SPATA13: variants seen among roughly 807,000 people sequenced by gnomAD.
The protein encoded by SPATA13 is spermatogenesis associated 13.
A neutral mutation model predicts 104.0 loss-of-function variants in SPATA13; 50 were observed. That is an observed-to-expected ratio of 0.48 (90% confidence interval 0.38 to 0.61). The LOEUF (loss-of-function observed/expected upper bound fraction) is 0.61. SPATA13 is among the 20% of genes least tolerant of loss of function. The pLI is 0.00. For missense variants in SPATA13, 1,524 were observed against 1,690.6 expected, an observed-to-expected ratio of 0.90 and a Z score of 1.73; for synonymous variants, 606 against 667.5, an observed-to-expected ratio of 0.91 and a Z score of 1.42.
chr13:24,100,402 C>T (rs1251924906), intron 3 of SPATA13, among the ~76,000 whole-genome samples: 2 of 152,218 alleles, frequency 1.3e-5, no homozygotes, highest in Non-Finnish European at 2.9e-5. Flanking sequence ...TACTTCTTAA[C>T]AGCTGTAATA....
chr13:24,209,152 A>C (rs946367367), intron 1 of SPATA13, among the ~76,000 whole-genome samples: 1 of 152,092 alleles, frequency 6.6e-6, no homozygotes, highest in Non-Finnish European at 1.5e-5. Context: ...GTGCCCAAGA[A>C]CTGTACTCAG....
chr13:24,202,567 C>A (rs1593413551), intron 1 of SPATA13, among the ~76,000 whole-genome samples: 8 of 99,908 alleles, frequency 8.0e-5, no homozygotes, highest in East Asian at 3.0e-4. Flanking sequence ...CTTTAAGGTA[C>A]AATATTAGAA....
chr13:24,020,786 A>G (rs142510724), intron 3 of SPATA13, among the ~76,000 whole-genome samples: 68 of 152,302 alleles, frequency 4.5e-4, no homozygotes, highest in African/African-American at 1.5e-3. Context: ...ACTCATGCCT[A>G]TAATTCCAGC....
chr13:24,243,993 C>G (rs1380265881), intron 2 of SPATA13, among the ~76,000 whole-genome samples: 1 of 152,226 alleles, frequency 6.6e-6, no homozygotes, highest in African/African-American at 2.4e-5. Context: ...TGTTCTCTCA[C>G]CATTCTGGAG....
At chr13:24,179,943 T>C (rs1271728819) in intron 1 of SPATA13, among the ~76,000 whole-genome samples, 1 of 152,218 alleles carries the variant, frequency 6.6e-6, no homozygotes, top group Non-Finnish European at 1.5e-5. Flanking sequence ...ACAAGTATCT[T>C]CCATTCTACA....
At chr13:24,288,579 G>T (rs1195601477) in intron 7 of SPATA13, among the ~76,000 whole-genome samples, 2 of 149,492 alleles carry the variant, frequency 1.3e-5, no homozygotes, top group African/African-American at 4.9e-5. Context: ...AGGAATCCTT[G>T]CCCTGATGAA....
chr13:24,128,462 G>T (rs375792773), intron 3 of SPATA13, among the ~76,000 whole-genome samples: 1 of 152,168 alleles, frequency 6.6e-6, no homozygotes, highest in East Asian at 1.9e-4. Flanking sequence ...GAAGGGTGTT[G>T]CTCAGAGGTA....
intron 2 of SPATA13, among the ~76,000 whole-genome samples, chr13:24,247,739 TC>T (rs1873231300): frequency 6.6e-6 from 1 of 152,078 alleles, no homozygotes; most frequent in Non-Finnish European, 1.5e-5. Flanking sequence ...CATCTTGGCC[TC>T]CCAAAGTGCT....
In SPATA13 at chr13:24,172,522, TAATTTTTGTAGCAGGC is replaced by T. The variant is rs374548445; in HGVS notation, c.-112+11592_-112+11607del. ...AGTTAAGTCCATGATCCATTCAAGT[TAATTTTTGTAGCAGGC>T]ATGAGATTTAGGTCAGTGTTTTTTT... is the stretch of plus-strand genomic sequence containing the variant. On this transcript the variant is annotated intron_variant, in intron 1 of 12. Transcript: ENST00000382108. 5.3e-3 allele frequency among the ~76,000 whole-genome samples: 811 copies of T among 152,392 alleles called. 12 individuals carry two copies. Among genetic ancestry groups the T allele is most frequent in the African/African-American group, 0.019 (772 of 41,592 alleles).
At chr13:24,116,771 C>A (rs972399145) in intron 3 of SPATA13, among the ~76,000 whole-genome samples, 2 of 98,222 alleles carry the variant, frequency 2.0e-5, no homozygotes, top group Non-Finnish European at 3.6e-5. Context: ...CCCTACCAGC[C>A]CCCCCCCCCC....
intron 2 of SPATA13, among the ~76,000 whole-genome samples, chr13:23,988,424 C>A (rs1032295492): frequency 6.6e-6 from 1 of 152,176 alleles, no homozygotes; most frequent in Admixed American, 6.5e-5. Flanking sequence ...TAAACCAGTT[C>A]TCTGTGGATA....
chr13:24,161,012 T>C lies in SPATA13; in HGVS notation c.-112+80T>C, dbSNP rs1373946429. 6 of 859,766 alleles carry C rather than the reference T, an allele frequency of 7.0e-6. No individual in the cohort carries two copies. Among genetic ancestry groups the C allele is most frequent in the Non-Finnish European group, 7.0e-6 (5 of 714,974 alleles). The allele number at this position is 859,766 out of a possible 1,614,324, so 53.3% of individuals were successfully genotyped here. On this transcript the variant is annotated intron_variant, in intron 1 of 12. Coordinates refer to ENST00000382108, the MANE Select transcript of SPATA13 (RefSeq NM_001166271.3). This position sits in a 1 kb window ranked among gnomAD's most constrained non-coding sequence, Gnocchi z 4.5. ...AGGTAGAATATCGGGAGGATTTGAG[T>C]CCCAGTGGACTGCCTCGGGGCTTCG...
At chr13:24,251,542 A>G (rs1258046440) in intron 3 of SPATA13, 176 bp from the exon 4 acceptor site, 1 of 985,236 alleles carries the variant, frequency 1.0e-6, no homozygotes, top group Non-Finnish European at 1.2e-6. Flanking sequence ...ATTGTTAAAA[A>G]CTGTAGCATC....
rs145209996 is a variant in SPATA13 at position 24,067,969 on chromosome 13, G to T, written c.-112+50268G>T. Among the ~76,000 whole-genome samples, 435 of 152,260 alleles carry T rather than the reference G, an allele frequency of 2.9e-3. 14 individuals carry two copies. In the East Asian group the frequency reaches 0.062, roughly 22 times the overall value. Reference sequence around the variant, plus strand: ...TCTGCATGCCTTGGCCTCCCAAAGTGCTAGGATTATAGTTGTTTTGTTTTT... The same window carrying T: ...TCTGCATGCCTTGGCCTCCCAAAGTTCTAGGATTATAGTTGTTTTGTTTTT... On this transcript the variant is annotated intron_variant, in intron 3 of 14. Transcript: ENST00000424834.
chr13:24,158,863 A>G (rs544614843), upstream of SPATA13, among the ~76,000 whole-genome samples: 2 of 152,324 alleles, frequency 1.3e-5, no homozygotes, highest in East Asian at 1.9e-4. Flanking sequence ...CAGGGCCTCA[A>G]GGATGCGGGG....
intron 3 of SPATA13, among the ~76,000 whole-genome samples, chr13:24,128,636 T>C (rs1393993226): frequency 6.6e-6 from 1 of 151,796 alleles, no homozygotes; most frequent in Non-Finnish European, 1.5e-5. Context: ...TCCTCGCTGA[T>C]GTGGACAGGC....
chr13:24,122,331 G>A, intron 3 of SPATA13: 1 of 1,451,966 alleles, frequency 6.9e-7, no homozygotes, highest in Non-Finnish European at 9.7e-7. Flanking sequence ...TAGTTTGAAA[G>A]ATAGCTTTAA....
chr13:24,277,040 A>G (rs1156821149), intron 4 of SPATA13, among the ~76,000 whole-genome samples: 1 of 152,252 alleles, frequency 6.6e-6, no homozygotes, highest in Non-Finnish European at 1.5e-5. Context: ...AAAGTGTTCA[A>G]GTAGAGTGGA....
chr13:24,027,138 T>TTG (rs1264987826), intron 3 of SPATA13, among the ~76,000 whole-genome samples: 2 of 144,364 alleles, frequency 1.4e-5, no homozygotes, highest in South Asian at 4.5e-4. Flanking sequence ...TTAGCCGTTT[T>TTG]TTTTTTTTTT....
Sources: gnomAD v4.1 joint callset for allele counts (sites outside exome capture counted in the v4.1 genomes callset) on GRCh38, gnomAD v4.1.1 for gene constraint, Gnocchi (gnomAD v3.1) non-coding constraint, MANE v1.5 for transcripts, NCBI Gene and HGNC (gene_info 2026-07-23, HGNC 2026-07-21) for gene names.